Variants in PCSK9 observed in about 807,000 individuals in gnomAD.
The protein encoded by PCSK9 is convertase subtilisin/kexin type 9 preproprotein.
In PCSK9, 57 loss-of-function variants were observed where a neutral mutation model predicts 62.1. The observed-to-expected ratio is 0.92, with a 90% CI of 0.74 to 1.14. The LOEUF (loss-of-function observed/expected upper bound fraction) is 1.14. PCSK9 is among the 50% of genes most tolerant of loss of function. The probability of loss-of-function intolerance (pLI) is 0.00; values close to 1 mark genes in which losing one functional copy is unlikely to be tolerated. For missense variants in PCSK9, 870 were observed against 959.8 expected, an observed-to-expected ratio of 0.91 and a Z score of 1.24; for synonymous variants, 387 against 409.4, an observed-to-expected ratio of 0.95 and a Z score of 0.66.
intron 5 of PCSK9, among the ~76,000 whole-genome samples, chr1:55,054,035 G>GTGAT (rs1644695022): frequency 1.3e-5 from 2 of 152,224 alleles, no homozygotes; most frequent in African/African-American, 4.8e-5. Context: ...CTGTAAGCAG[G>GTGAT]TGATTGTGTG....
Position 55,063,836 on chromosome 1 carries a change from C to T in PCSK9, c.*252C>T, listed in dbSNP as rs187366792. 32 of 572,502 alleles carry T rather than the reference C, an allele frequency of 5.6e-5. No individual in the cohort carries two copies. In the East Asian group the frequency reaches 8.6e-4, roughly 15 times the overall value. The allele number at this position is 572,502 out of a possible 1,614,324, so 35.5% of individuals were successfully genotyped here. On this transcript the variant is annotated 3_prime_UTR_variant, in exon 12 of 12. Transcript: ENST00000302118. The stretch of plus-strand genomic sequence containing the variant: ...CCTCCCTCACTGTGGGGCATTTCAC[C>T]ATTCAAACAGGTCGAGCTGTGCTCG...
intron 8 of PCSK9, 60 bp from the exon 9 acceptor site, chr1:55,058,439 A>G: frequency 6.2e-7 from 1 of 1,610,010 alleles, no homozygotes; most frequent in East Asian, 2.2e-5. Context: ...TGAACTAAAG[A>G]TTTCTGTGGA....
chr1:55,055,876 A>G, intron 5 of PCSK9, 117 bp from the exon 6 acceptor site: 1 of 1,050,694 alleles, frequency 9.5e-7, no homozygotes, highest in Non-Finnish European at 1.3e-6. Context: ...CTTTTGACCA[A>G]ACATCAGGCC....
chr1:55,052,697 C>T lies in PCSK9; in HGVS notation c.705C>T (p.Ser235=), dbSNP rs7552471. The part of the protein sequence containing the change: ...SHGTHLAGVV[S]GRDAGVAKGA... ...GCACCCACCTGGCAGGGGTGGTCAG[C>T]GGCCGGGATGCCGGCGTGGCCAAGG... Residue 235 remains serine, a synonymous_variant, in exon 5 of 12, where the codon AGC becomes AGT. Transcript: ENST00000302118. 6,970 of 1,613,082 alleles carry T rather than the reference C, an allele frequency of 4.3e-3. 268 individuals are homozygous for T. The African/African-American group carries it at 0.08, about 18-fold the overall frequency.
At chr1:55,060,906 G>A (rs1644754605) in intron 10 of PCSK9, among the ~76,000 whole-genome samples, 1 of 152,208 alleles carries the variant, frequency 6.6e-6, no homozygotes, top group South Asian at 2.1e-4. Flanking sequence ...TGAGTAAACA[G>A]AGCCTCAGTG....
intron 2 of PCSK9, among the ~76,000 whole-genome samples, chr1:55,045,656 C>T (rs1453120813): frequency 3.3e-5 from 5 of 150,778 alleles, no homozygotes; most frequent in Admixed American, 3.3e-4. Context: ...CTGCCATGCG[C>T]AGGGAGTCAG....
chr1:55,052,939 C>G lies in PCSK9; in HGVS notation c.799+148C>G, dbSNP rs1433740853. On this transcript the variant is annotated intron_variant, in intron 5 of 11. Coordinates refer to ENST00000302118, the MANE Select transcript of PCSK9 (RefSeq NM_174936.4). ...GAGCCAGAGAACCAGAGTGCCAAGG[C>G]TGGCAGGGTTCCCAGTGGCCACGAG... The G allele has an allele frequency of 1.0e-5, 14 of 1,390,692 alleles. No homozygotes were observed. In the South Asian group the frequency reaches 1.3e-4, roughly 13 times the overall value. 86.1% of individuals were successfully genotyped at this position (1,390,692 alleles called of 1,614,324 possible). A position where few individuals can be genotyped will look rare whatever the true frequency, so the allele number is the denominator to read the frequency against.
chr1:55,061,340 C>T (rs1271573697), intron 10 of PCSK9, 35 bp from the exon 11 acceptor site: 2 of 1,582,804 alleles, frequency 1.3e-6, no homozygotes, highest in African/African-American at 1.3e-5. Context: ...AGCATCCCAG[C>T]ATTTCACATC....
At chr1:55,053,639 G>A (rs541207080) in intron 5 of PCSK9, among the ~76,000 whole-genome samples, 2 of 152,346 alleles carry the variant, frequency 1.3e-5, no homozygotes, top group East Asian at 3.9e-4. Flanking sequence ...TGTTTCAAAG[G>A]CTGAGAAGGC....
chr1:55,042,254 C>T (rs563906778), intron 1 of PCSK9, among the ~76,000 whole-genome samples: 17 of 152,168 alleles, frequency 1.1e-4, no homozygotes, highest in Non-Finnish European at 5.9e-5. Flanking sequence ...TGAGCCACCA[C>T]GCCTGGCCTC....
chr1:55,055,099 C>T (rs1644704111), intron 5 of PCSK9, among the ~76,000 whole-genome samples: 1 of 151,610 alleles, frequency 6.6e-6, no homozygotes, highest in Non-Finnish European at 1.5e-5. Flanking sequence ...GCCACTGAGG[C>T]CAGAAGGAAC....
Position 55,061,470 on chromosome 1 carries a change from GAGGC to G in PCSK9, c.1778_1781del (p.Glu593AlafsTer29), listed in dbSNP as rs770699863. 3 of 1,607,218 alleles carry G rather than the reference GAGGC, an allele frequency of 1.9e-6. No homozygotes were observed. The highest frequency in any genetic ancestry group is 2.5e-6 in the Non-Finnish European group (3 of 1,177,606). On this transcript the variant is annotated frameshift_variant, in exon 11 of 12. Transcript: ENST00000302118. LOFTEE classifies it high-confidence loss of function. Reference sequence around the variant, plus strand: ...GCCCAACCAGTGCGTGGGCCACAGGGAGGCCAGCATCCACGCTTCCTGCTGCCAT... The same window carrying G: ...GCCCAACCAGTGCGTGGGCCACAGGGCAGCATCCACGCTTCCTGCTGCCAT...
At chr1:55,058,418 C>A in intron 8 of PCSK9, 81 bp from the exon 9 acceptor site, 1 of 1,596,920 alleles carries the variant, frequency 6.3e-7, no homozygotes, top group Non-Finnish European at 8.6e-7. Flanking sequence ...AAGCCCTCCT[C>A]TCTCCTACCA....
intron 1 of PCSK9, among the ~76,000 whole-genome samples, chr1:55,043,349 C>T (rs1644609934): frequency 6.6e-6 from 1 of 152,242 alleles, no homozygotes; most frequent in Non-Finnish European, 1.5e-5. Flanking sequence ...ACTGTGGTCT[C>T]TACAATACAG....
At position 55,063,895 on chromosome 1, in the gene PCSK9, C is replaced by T. The variant is rs980569920; in HGVS notation, c.*311C>T. On this transcript the variant is annotated 3_prime_UTR_variant, in exon 12 of 12. Coordinates refer to ENST00000302118, the MANE Select transcript of PCSK9 (RefSeq NM_174936.4). ...CAGCTGCTCCCAATGTGCCGATGTC[C>T]GTGGGCAGAATGACTTTTATTGAGC... The T allele has an allele frequency of 4.9e-5, 22 of 448,664 alleles. No individual in the cohort carries two copies. Among genetic ancestry groups the T allele is most frequent in the Middle Eastern group, 1.2e-3 (2 of 1,694 alleles). 27.8% of individuals were successfully genotyped at this position (448,664 alleles called of 1,614,324 possible).
rs140072072 is a variant in PCSK9, at chr1:55,058,066, C to G, written c.1211C>G (p.Pro404Arg). Residue 404 changes from proline to arginine, a missense_variant, in exon 8 of 12, where the codon CCG becomes CGG. Pro to Arg is a moderately radical substitution (Grantham distance 103). Coordinates refer to ENST00000302118, the MANE Select transcript of PCSK9 (RefSeq NM_174936.4). ...GIAAMMLSAE[P>R]ELTLAELRQR... Reference sequence around the variant, plus strand: ...GCAGCCATGATGCTGTCTGCCGAGCCGGAGCTCACCCTGGCCGAGTTGAGG... The same window carrying G: ...GCAGCCATGATGCTGTCTGCCGAGCGGGAGCTCACCCTGGCCGAGTTGAGG... 6.2e-7 allele frequency: 1 copy of G among 1,613,832 alleles called. No individual in the cohort carries two copies.
Position 55,058,085 on chromosome 1 carries a change from G to A in PCSK9, c.1230G>A (p.Glu410=). The change falls in exon 8 of 12, where the codon GAG becomes GAA. Residue 410 remains glutamate (E), a synonymous_variant. Transcript: ENST00000302118. ...CCGAGCCGGAGCTCACCCTGGCCGA[G>A]TTGAGGCAGAGACTGATCCACTTCT... The part of the protein sequence containing the change: ...LSAEPELTLA[E]LRQRLIHFSA... 6.2e-7 allele frequency: 1 copy of A among 1,613,828 alleles called. No homozygotes were observed. The highest frequency in any genetic ancestry group is 1.1e-5 in the South Asian group (1 of 91,090).
chr1:55,043,809 C>T (rs911935788), intron 1 of PCSK9, 34 bp from the exon 2 acceptor site: 1 of 1,612,492 alleles, frequency 6.2e-7, no homozygotes, highest in Non-Finnish European at 8.5e-7. Context: ...TGGGTTTCTT[C>T]CATGTCATCA....
At chr1:55,047,745 A>G (rs1221877739) in intron 3 of PCSK9, among the ~76,000 whole-genome samples, 1 of 152,140 alleles carries the variant, frequency 6.6e-6, no homozygotes, top group Non-Finnish European at 1.5e-5. Context: ...ATCCTCTGGC[A>G]AGGGTGGCAG....
Sources: gnomAD v4.1 joint callset for allele counts (sites outside exome capture counted in the v4.1 genomes callset) on GRCh38, gnomAD v4.1.1 for gene constraint, MANE v1.5 for transcripts, NCBI Gene and HGNC (gene_info 2026-07-23, HGNC 2026-07-21) for gene names.